ANKRD12: variants seen among roughly 807,000 people sequenced by gnomAD.
ANKRD12 encodes ankyrin repeat domain 12, also known as ankyrin repeat domain-containing protein 12.
Under a neutral mutation model 183.4 loss-of-function variants are expected in ANKRD12, and 85 were observed. The ratio of observed to expected loss-of-function variants is 0.46; its 90% CI spans 0.39 to 0.56. The LOEUF (loss-of-function observed/expected upper bound fraction) is 0.56. Among genes scored for constraint, ANKRD12 ranks in the 20% least tolerant of loss-of-function variants. The probability of loss-of-function intolerance (pLI) is 0.00; values close to 1 mark genes in which losing one functional copy is unlikely to be tolerated. For missense variants in ANKRD12, 2,405 were observed against 2,357.1 expected (o/e 1.02, Z -0.42); for synonymous variants, 914 against 800.2 (o/e 1.14, Z -2.40).
chr18:9,157,577 G>GTATATATATATATATA (rs1439951194), intron 1 of ANKRD12, among the ~76,000 whole-genome samples: 36 of 114,440 alleles, frequency 3.1e-4, no homozygotes, highest in Non-Finnish European at 5.0e-4. Flanking sequence ...GTGTGTGTGT[G>GTATATATATATATATA]TGTGTGTGTA....
At position 9,254,771 on chromosome 18, in the gene ANKRD12, A is replaced by C; in HGVS notation, c.1504A>C (p.Asn502His). 4 of 1,471,182 alleles carry C rather than the reference A, an allele frequency of 2.7e-6. No individual in the cohort carries two copies. The highest frequency in any genetic ancestry group is 3.6e-6 in the Non-Finnish European group (4 of 1,112,028). 91.1% of individuals were successfully genotyped at this position (1,471,182 alleles called of 1,614,324 possible). The stretch of plus-strand genomic sequence containing the variant: ...AGGAAAAGAAAATACAAGAATAACA[A>C]ACTTGACAGTAAATACTGGACTAGA... ...KEGKENTRIT[N>H]LTVNTGLDCS... Residue 502 changes from asparagine (N) to histidine (H), a missense_variant, in exon 9 of 13, where the codon AAC (asparagine) becomes CAC (histidine). Around this residue, in one of 7 missense-constraint regions of ANKRD12, gnomAD observed 1,983 missense variants for 1,725.9 expected, o/e 1.15. Coordinates refer to ENST00000262126, the MANE Select transcript of ANKRD12 (RefSeq NM_015208.5).
chr18:9,197,861 T>G (rs968638118), intron 3 of ANKRD12, among the ~76,000 whole-genome samples: 2 of 152,174 alleles, frequency 1.3e-5, no homozygotes, highest in Non-Finnish European at 2.9e-5. Flanking sequence ...CAGTTCAAAA[T>G]CAGGTGGTTC....
At chr18:9,213,589 T>G (rs1329918276) in intron 6 of ANKRD12, among the ~76,000 whole-genome samples, 1 of 151,954 alleles carries the variant, frequency 6.6e-6, no homozygotes, top group Non-Finnish European at 1.5e-5. Flanking sequence ...TTATTTTCAC[T>G]TTAGTAAGTA....
At chr18:9,207,287 A>G (rs1305591929) in intron 4 of ANKRD12, among the ~76,000 whole-genome samples, 1 of 152,158 alleles carries the variant, frequency 6.6e-6, no homozygotes, top group African/African-American at 2.4e-5. Context: ...ATTAATGATA[A>G]TGAAATAATA....
At chr18:9,166,951 C>G (rs1290743945) in intron 1 of ANKRD12, among the ~76,000 whole-genome samples, 1 of 152,186 alleles carries the variant, frequency 6.6e-6, no homozygotes, top group African/African-American at 2.4e-5. Flanking sequence ...CCAGTTTTCC[C>G]AGCACCATTT....
intron 8 of ANKRD12, among the ~76,000 whole-genome samples, chr18:9,247,782 T>TTTTTGTTTTGTTTTG (rs201710394): frequency 1.4e-3 from 214 of 151,428 alleles, no homozygotes; most frequent in African/African-American, 4.8e-3. Flanking sequence ...TTTTGGGGTT[T>TTTTTGTTTTGTTTTG]TTTTGTTTTG....
intron 11 of ANKRD12, among the ~76,000 whole-genome samples, chr18:9,279,163 GC>G (rs1210194282): frequency 1.3e-5 from 2 of 152,136 alleles, no homozygotes; most frequent in Non-Finnish European, 2.9e-5. Flanking sequence ...CTCAAAGGCA[GC>G]TCTCTCCCAC....
intron 11 of ANKRD12, among the ~76,000 whole-genome samples, chr18:9,277,393 T>C (rs947721335): frequency 6.9e-6 from 1 of 145,200 alleles, no homozygotes; most frequent in African/African-American, 2.6e-5. Context: ...AGTGGCACGA[T>C]CTCGGCTCAC....
At chr18:9,163,682 G>A (rs1287613968) in intron 1 of ANKRD12, among the ~76,000 whole-genome samples, 6 of 151,972 alleles carry the variant, frequency 3.9e-5, no homozygotes, top group Non-Finnish European at 7.4e-5. Flanking sequence ...ATGTTTTTCC[G>A]TTTGTTTGTG....
chr18:9,180,055 G>C (rs542237191), intron 1 of ANKRD12, among the ~76,000 whole-genome samples: 1 of 152,146 alleles, frequency 6.6e-6, no homozygotes, highest in Non-Finnish European at 1.5e-5. Flanking sequence ...AAGTATAATA[G>C]TTGAAGCCTC....
At chr18:9,233,050 C>T (rs1379598456) in intron 8 of ANKRD12, among the ~76,000 whole-genome samples, 1 of 151,974 alleles carries the variant, frequency 6.6e-6, no homozygotes, top group African/African-American at 2.4e-5. Flanking sequence ...AGGGGTTTCA[C>T]CATGTTGGCC....
Position 9,258,236 on chromosome 18 carries a change from G to T in ANKRD12, c.4969G>T (p.Ala1657Ser). Residue 1657 changes from alanine to serine, a missense_variant, in exon 9 of 13, where the codon GCA becomes TCA. By Grantham distance (99) the Ala-to-Ser change is moderately conservative. This residue lies in a region of ANKRD12 where 1,983 missense variants were observed against 1,725.9 expected (regional missense o/e 1.15). Transcript: ENST00000262126. Reference sequence around the variant, plus strand: ...TGATTCTGATTTATGTGAAATGAATGCAGGGATGCCAAAAGGAAACCTAAA... The same window carrying T: ...TGATTCTGATTTATGTGAAATGAATTCAGGGATGCCAAAAGGAAACCTAAA... ...RCDSDLCEMN[A>S]GMPKGNLNEQ... 1.2e-6 allele frequency: 2 copies of T among 1,613,818 alleles called. No homozygotes were observed. Among genetic ancestry groups the T allele is most frequent in the Non-Finnish European group, 1.7e-6 (2 of 1,179,948 alleles).
rs1567979662 is a variant in ANKRD12 at position 9,257,275 on chromosome 18, A to G, written c.4008A>G (p.Leu1336=). The change falls in exon 9 of 13, where the codon TTA becomes TTG. Residue 1336 remains leucine (L), a synonymous_variant. Coordinates refer to ENST00000262126, the MANE Select transcript of ANKRD12 (RefSeq NM_015208.5). ...AAGAGAGCAATCAAGGTAGCTTATTAACTGTGCCAGGAGATACTAGTCCTT... is the reference window on the plus strand; with the variant it reads ...AAGAGAGCAATCAAGGTAGCTTATTGACTGTGCCAGGAGATACTAGTCCTT... The part of the protein sequence containing the change: ...ISEESNQGSL[L]TVPGDTSPSP... The G allele has an allele frequency of 3.7e-6, 6 of 1,614,180 alleles. No individual in the cohort carries two copies. The highest frequency in any genetic ancestry group is 5.1e-6 in the Non-Finnish European group (6 of 1,179,994).
intron 8 of ANKRD12, among the ~76,000 whole-genome samples, chr18:9,229,027 TGGTTATCCAGTC>T (rs1269432916): frequency 1.3e-5 from 2 of 152,186 alleles, no homozygotes; most frequent in African/African-American, 4.8e-5. Context: ...CTTCTGCATA[TGGTTATCCAGTC>T]TTCCCAGCAC....
chr18:9,251,817 C>T lies in ANKRD12; in HGVS notation c.944-2394C>T, dbSNP rs187171036. On this transcript the variant is annotated intron_variant, in intron 8 of 12. Transcript: ENST00000262126. ...CAAAAAAAAGAAAAAAGAAAAATGC[C>T]TTAATAAAAATTTTAATAAAATGTT... is the stretch of plus-strand genomic sequence containing the variant. Among the ~76,000 whole-genome samples, 614 of 152,198 alleles carry T rather than the reference C, an allele frequency of 4.0e-3. 15 individuals carry two copies. Among genetic ancestry groups the T allele is most frequent in the Admixed American group, 0.037 (568 of 15,282 alleles).
intron 1 of ANKRD12, among the ~76,000 whole-genome samples, chr18:9,152,565 T>G (rs1370229521): frequency 6.6e-6 from 1 of 152,102 alleles, no homozygotes; most frequent in Non-Finnish European, 1.5e-5. Context: ...TGGATTCTGT[T>G]TATCCACTTT....
chr18:9,140,087 C>T (rs910969576), intron 1 of ANKRD12, among the ~76,000 whole-genome samples: 2 of 152,162 alleles, frequency 1.3e-5, no homozygotes, highest in Admixed American at 6.5e-5. Flanking sequence ...CAGAACCTTG[C>T]CTTCTATCAG....
intron 8 of ANKRD12, among the ~76,000 whole-genome samples, chr18:9,243,529 A>AC (rs1486705454): frequency 1.3e-5 from 2 of 152,226 alleles, no homozygotes; most frequent in African/African-American, 4.8e-5. Flanking sequence ...GCAGCAGGGT[A>AC]AGTTCCTAGT....
intron 8 of ANKRD12, among the ~76,000 whole-genome samples, chr18:9,244,130 G>A (rs531888830): frequency 8.5e-5 from 13 of 152,096 alleles, no homozygotes; most frequent in East Asian, 5.8e-4. Flanking sequence ...GCGAAATTCC[G>A]TCTCAAAAAA....
Sources: allele counts gnomAD v4.1 joint callset (sites outside exome capture counted in the v4.1 genomes callset), GRCh38; gene constraint gnomAD v4.1.1; regional missense constraint gnomAD v4.1.1; transcripts MANE v1.5; gene names NCBI Gene and HGNC (gene_info 2026-07-23, HGNC 2026-07-21).